Variants in GABRB1 observed in about 807,000 individuals in gnomAD.
The protein encoded by GABRB1 is gamma-aminobutyric acid type A receptor subunit beta1, also known as gamma-aminobutyric acid receptor subunit beta-1.
A neutral mutation model predicts 51.6 loss-of-function variants in GABRB1; 17 were observed. That is an observed-to-expected ratio of 0.33 (90% CI 0.23 to 0.49). The LOEUF (loss-of-function observed/expected upper bound fraction) is 0.49. Among genes scored for constraint, GABRB1 ranks in the 20% least tolerant of loss-of-function variants. The pLI, the probability that GABRB1 is intolerant of heterozygous loss-of-function variation, is 0.99. For synonymous variants in GABRB1, 247 were observed against 218.9 expected (o/e 1.13, Z -1.14); for missense variants, 410 against 600.6 (o/e 0.68, Z 3.32).
At chr4:47,003,386 T>C (rs1459379330) in intron 1 of GABRB1, among the ~76,000 whole-genome samples, 1 of 152,152 alleles carries the variant, frequency 6.6e-6, no homozygotes, top group Admixed American at 6.5e-5. Context: ...GGGGATGATG[T>C]TTTATTTATT....
intron 3 of GABRB1, among the ~76,000 whole-genome samples, chr4:47,033,684 G>T (rs1346283584): frequency 6.6e-6 from 1 of 151,854 alleles, no homozygotes; most frequent in Non-Finnish European, 1.5e-5. Context: ...TCCTTTTTAG[G>T]TTATGTTAGG....
intron 4 of GABRB1, among the ~76,000 whole-genome samples, chr4:47,224,108 C>T (rs1720860856): frequency 6.6e-6 from 1 of 151,974 alleles, no homozygotes; most frequent in Non-Finnish European, 1.5e-5. Context: ...TACCTGAGCT[C>T]TGTGCTCCCA....
At chr4:47,275,534 T>C (rs73815428) in intron 4 of GABRB1, among the ~76,000 whole-genome samples, 4,204 of 152,220 alleles carry the variant, frequency 0.028, 206 homozygotes, top group African/African-American at 0.096. Context: ...TAAATAATGA[T>C]AAAGTCTCAG....
At chr4:47,383,968 G>C (rs550365974) in intron 5 of GABRB1, among the ~76,000 whole-genome samples, 1 of 152,136 alleles carries the variant, frequency 6.6e-6, no homozygotes, top group East Asian at 1.9e-4. Context: ...TGTAACTAAA[G>C]GAATAAAATC....
chr4:47,425,846 T>C lies in GABRB1; in HGVS notation c.1253T>C (p.Leu418Pro). ...AGCCGCGAGGCCTACGGGCGCGCCC[T>C]GGACCGGCACGGGGTACCCAGCAAG... Reference protein sequence around the residue: ...LSSREAYGRALDRHGVPSKGR... With the variant: ...LSSREAYGRAPDRHGVPSKGR... Residue 418 changes from leucine to proline, a missense_variant, in exon 9 of 9, where the codon CTG becomes CCG. By Grantham distance (98) the Leu-to-Pro change is moderately conservative (BLOSUM62 -3). Transcript: ENST00000295454. The C allele has an allele frequency of 6.2e-7, 1 of 1,614,104 alleles. No individual in the cohort carries two copies. Among genetic ancestry groups the C allele is most frequent in the Non-Finnish European group, 8.5e-7 (1 of 1,179,998 alleles).
chr4:47,256,542 G>C (rs976064554), intron 4 of GABRB1, among the ~76,000 whole-genome samples: 1 of 152,216 alleles, frequency 6.6e-6, no homozygotes, highest in African/African-American at 2.4e-5. Flanking sequence ...CCTGAGACTG[G>C]ATAATCTATA....
intron 4 of GABRB1, among the ~76,000 whole-genome samples, chr4:47,221,762 C>T (rs1720776311): frequency 6.6e-6 from 1 of 152,056 alleles, no homozygotes; most frequent in African/African-American, 2.4e-5. Context: ...ATCTCTCTTC[C>T]TGTGAGTATC....
At chr4:47,188,951 C>A (rs973832947) in intron 4 of GABRB1, among the ~76,000 whole-genome samples, 1 of 151,932 alleles carries the variant, frequency 6.6e-6, no homozygotes. Flanking sequence ...AGATGCATTA[C>A]CAGCTGCTGG....
chr4:47,198,462 A>G (rs188225704), intron 4 of GABRB1, among the ~76,000 whole-genome samples: 39 of 152,320 alleles, frequency 2.6e-4, no homozygotes, highest in Admixed American at 2.4e-3. Context: ...CAGACTGCTG[A>G]TGAGGGCTCA....
At chr4:47,248,641 T>C (rs1721860133) in intron 4 of GABRB1, among the ~76,000 whole-genome samples, 1 of 151,688 alleles carries the variant, frequency 6.6e-6, no homozygotes, top group Non-Finnish European at 1.5e-5. Flanking sequence ...GTCCTAGACT[T>C]TTTTTTTGTT....
chr4:47,206,531 A>AAATAAAAT (rs1275859227), intron 4 of GABRB1, among the ~76,000 whole-genome samples: 2 of 152,032 alleles, frequency 1.3e-5, no homozygotes, highest in East Asian at 3.8e-4. Context: ...ATTGAAAAAT[A>AAATAAAAT]AATAAAATAG....
chr4:47,099,206 G>A (rs1866990), intron 3 of GABRB1, among the ~76,000 whole-genome samples: 58,715 of 151,836 alleles, frequency 0.39, 11,620 homozygotes, highest in South Asian at 0.45. Flanking sequence ...AAATAACAAG[G>A]GCATACATAC....
At chr4:47,053,694 C>G (rs1411515706) in intron 3 of GABRB1, among the ~76,000 whole-genome samples, 1 of 152,142 alleles carries the variant, frequency 6.6e-6, no homozygotes, top group Non-Finnish European at 1.5e-5. Context: ...GTGACAAAGT[C>G]CTTTTCAACT....
At chr4:47,006,352 CAG>C (rs1162999929) in intron 1 of GABRB1, among the ~76,000 whole-genome samples, 1 of 152,002 alleles carries the variant, frequency 6.6e-6, no homozygotes, top group East Asian at 1.9e-4. Flanking sequence ...ACATATAATA[CAG>C]AGTGCATATT....
chr4:47,282,095 G>A (rs188042345), intron 4 of GABRB1, among the ~76,000 whole-genome samples: 1 of 151,934 alleles, frequency 6.6e-6, no homozygotes, highest in Non-Finnish European at 1.5e-5. Flanking sequence ...CTAATTAATT[G>A]ATTGACTCTT....
chr4:46,999,456 A>G (rs913165020), intron 1 of GABRB1, among the ~76,000 whole-genome samples: 1 of 152,214 alleles, frequency 6.6e-6, no homozygotes, highest in Non-Finnish European at 1.5e-5. Context: ...GTTGTTTGTA[A>G]TAGTGGAAAC....
intron 5 of GABRB1, among the ~76,000 whole-genome samples, chr4:47,381,612 G>A (rs1727601276): frequency 2.6e-5 from 4 of 152,262 alleles, no homozygotes; most frequent in African/African-American, 9.6e-5. Context: ...TCCCTACAAG[G>A]CTTGCTTCTA....
intron 4 of GABRB1, among the ~76,000 whole-genome samples, chr4:47,209,248 CG>C (rs1720257640): frequency 6.6e-6 from 1 of 152,054 alleles, no homozygotes; most frequent in South Asian, 2.1e-4. Flanking sequence ...GGCTGACCAC[CG>C]TCACTGAGCC....
chr4:47,200,487 C>G (rs1005059788), intron 4 of GABRB1, among the ~76,000 whole-genome samples: 1 of 152,092 alleles, frequency 6.6e-6, no homozygotes, highest in African/African-American at 2.4e-5. Flanking sequence ...ATAAAGGCAT[C>G]GAACACTGTA....
Sources: allele counts gnomAD v4.1 joint callset (sites outside exome capture counted in the v4.1 genomes callset), GRCh38; gene constraint gnomAD v4.1.1; transcripts MANE v1.5; gene names NCBI Gene and HGNC (gene_info 2026-07-23, HGNC 2026-07-21).